ZFHX3: variants seen among roughly 807,000 people sequenced by gnomAD.
ZFHX3 encodes the protein zinc finger homeobox 3, also known as zinc finger homeobox protein 3.
A neutral mutation model predicts 279.1 loss-of-function variants in ZFHX3; 42 were observed. That is an observed-to-expected ratio of 0.15 (90% CI 0.12 to 0.19). The LOEUF is 0.19. Among genes scored for constraint, ZFHX3 ranks in the 10% least tolerant of loss-of-function variants. ZFHX3 has a pLI of 1.00. For synonymous variants in ZFHX3, 2,293 were observed against 1,957.8 expected, an observed-to-expected ratio of 1.17 and a Z score of -4.52; for missense variants, 4,981 against 4,754.0, an observed-to-expected ratio of 1.05 and a Z score of -1.40.
At chr16:73,001,318 C>G (rs181794551) in intron 1 of ZFHX3, among the ~76,000 whole-genome samples, 1 of 152,146 alleles carries the variant, frequency 6.6e-6, no homozygotes, top group African/African-American at 2.4e-5. Flanking sequence ...CAGTCTGTCC[C>G]CAGTCAAGTC....
chr16:72,925,357 TA>T (rs1214501058), intron 3 of ZFHX3, among the ~76,000 whole-genome samples: 1 of 152,196 alleles, frequency 6.6e-6, no homozygotes, highest in Admixed American at 6.5e-5. Flanking sequence ...TTATACTTTT[TA>T]AACACAAAGT....
At chr16:72,854,671 G>C (rs2037704469) in intron 4 of ZFHX3, among the ~76,000 whole-genome samples, 3 of 152,130 alleles carry the variant, frequency 2.0e-5, no homozygotes, top group South Asian at 4.2e-4. Context: ...TAGCAAGATT[G>C]GATAGGCCAA....
chr16:73,815,237 G>T (rs529520011), intron 1 of ZFHX3, among the ~76,000 whole-genome samples: 2 of 152,246 alleles, frequency 1.3e-5, no homozygotes, highest in South Asian at 4.1e-4. Context: ...AAATCACCAG[G>T]CTGTGTCTTT....
At chr16:73,702,238 A>G (rs2053255549) in intron 1 of ZFHX3, among the ~76,000 whole-genome samples, 1 of 152,160 alleles carries the variant, frequency 6.6e-6, no homozygotes, top group Non-Finnish European at 1.5e-5. Flanking sequence ...AGGGGAGGAT[A>G]GACCCAAGTG....
chr16:73,817,624 C>G (rs866313524), intron 1 of ZFHX3, among the ~76,000 whole-genome samples: 14 of 152,312 alleles, frequency 9.2e-5, no homozygotes, highest in Middle Eastern at 6.8e-3. Flanking sequence ...CTACTTGGCT[C>G]CTTTGCAAAC....
At chr16:73,694,401 TG>T (rs1178403731) in intron 1 of ZFHX3, among the ~76,000 whole-genome samples, 1 of 152,126 alleles carries the variant, frequency 6.6e-6, no homozygotes, top group Non-Finnish European at 1.5e-5. Context: ...TGGAGTTCAG[TG>T]GTGCGATATC....
At chr16:73,844,230 T>G (rs1368549577) in intron 1 of ZFHX3, among the ~76,000 whole-genome samples, 3 of 151,944 alleles carry the variant, frequency 2.0e-5, no homozygotes, top group Non-Finnish European at 4.4e-5. Flanking sequence ...AGAAAAGAGG[T>G]ACAAAATGCA....
chr16:73,025,660 C>G (rs1964471601), intron 1 of ZFHX3, among the ~76,000 whole-genome samples: 2 of 152,126 alleles, frequency 1.3e-5, no homozygotes, highest in South Asian at 4.1e-4. Context: ...GGCATCTGGC[C>G]CCCTGACACC....
intron 6 of ZFHX3, among the ~76,000 whole-genome samples, chr16:73,140,959 C>A (rs1427511863): frequency 1.3e-5 from 2 of 152,152 alleles, no homozygotes; most frequent in African/African-American, 4.8e-5. Context: ...AGATAAGAAG[C>A]CCCTCTCTTT....
intron 3 of ZFHX3, among the ~76,000 whole-genome samples, chr16:73,321,984 A>G (rs1194309655): frequency 1.3e-5 from 2 of 152,226 alleles, no homozygotes; most frequent in African/African-American, 4.8e-5. Context: ...AAGCACATAA[A>G]AATCCCGGAG....
intron 3 of ZFHX3, among the ~76,000 whole-genome samples, chr16:73,412,563 G>A (rs544532387): frequency 4.6e-5 from 7 of 151,564 alleles, no homozygotes; most frequent in South Asian, 2.1e-4. Context: ...CTTCCATCCC[G>A]GCCTCATACT....
chr16:73,227,848 CAAAA>C (rs398029895), intron 5 of ZFHX3, among the ~76,000 whole-genome samples: 11 of 46,040 alleles, frequency 2.4e-4, no homozygotes, highest in Admixed American at 1.2e-3. Context: ...GATTCTGTCT[CAAAA>C]AAAAAAAAAA....
intron 4 of ZFHX3, among the ~76,000 whole-genome samples, chr16:73,271,178 C>T (rs1044802804): frequency 3.3e-5 from 5 of 152,188 alleles, no homozygotes; most frequent in African/African-American, 1.2e-4. Flanking sequence ...ACAGTGTCCA[C>T]TAATGACCAG....
intron 1 of ZFHX3, among the ~76,000 whole-genome samples, chr16:73,831,233 A>T (rs1015800028): frequency 6.6e-6 from 1 of 152,208 alleles, no homozygotes; most frequent in African/African-American, 2.4e-5. Context: ...GAAAAATCAC[A>T]TAATTGATGG....
intron 1 of ZFHX3, among the ~76,000 whole-genome samples, chr16:72,999,395 G>A (rs1242080572): frequency 6.6e-6 from 1 of 152,140 alleles, no homozygotes; most frequent in Non-Finnish European, 1.5e-5. Flanking sequence ...GACCTCAAGT[G>A]ATCCTCCCAC....
At chr16:73,644,745 G>A (rs972814712) in intron 2 of ZFHX3, among the ~76,000 whole-genome samples, 2 of 152,082 alleles carry the variant, frequency 1.3e-5, no homozygotes, top group Admixed American at 6.6e-5. Flanking sequence ...AGGACTGCAC[G>A]CATTACCCTC....
chr16:73,562,093 A>G (rs753217899), intron 2 of ZFHX3, among the ~76,000 whole-genome samples: 15 of 152,210 alleles, frequency 9.9e-5, no homozygotes, highest in Non-Finnish European at 1.3e-4. Flanking sequence ...ATCCTCCTTC[A>G]AAGACAGTCT....
At chr16:73,844,633 A>T (rs1382661845) in intron 1 of ZFHX3, among the ~76,000 whole-genome samples, 1 of 151,978 alleles carries the variant, frequency 6.6e-6, no homozygotes, top group African/African-American at 2.4e-5. Flanking sequence ...GAAGATGGGT[A>T]GAGGGATGGA....
chr16:72,967,800 C>T (rs1183402767), intron 1 of ZFHX3, among the ~76,000 whole-genome samples: 5 of 150,532 alleles, frequency 3.3e-5, no homozygotes, highest in Non-Finnish European at 5.9e-5. Flanking sequence ...TGGTGGCGGG[C>T]GCCTGTAGTC....
Sources: allele counts gnomAD v4.1 joint callset (sites outside exome capture counted in the v4.1 genomes callset), GRCh38; gene constraint gnomAD v4.1.1; transcripts MANE v1.5; gene names NCBI Gene and HGNC (gene_info 2026-07-23, HGNC 2026-07-21).